Variants in COL23A1 observed in about 807,000 individuals in gnomAD.
COL23A1 encodes the protein collagen type XXIII alpha 1 chain, also known as collagen alpha-1(XXIII) chain.
COL23A1 carries 97 observed loss-of-function variants against 99.3 expected under a neutral mutation model. The ratio of observed to expected loss-of-function variants is 0.98; its 90% CI spans 0.83 to 1.16. The LOEUF (loss-of-function observed/expected upper bound fraction) is 1.16, where lower values mean the gene tolerates loss of function less well. Among genes scored for constraint, COL23A1 ranks in the 50% most tolerant of loss-of-function variants. COL23A1 has a pLI of 0.00. For synonymous variants in COL23A1, 320 were observed against 308.2 expected, an observed-to-expected ratio of 1.04 and a Z score of -0.40; for missense variants, 762 against 757.4, an observed-to-expected ratio of 1.01 and a Z score of -0.07.
rs116815869 is a variant in COL23A1, at chr5:178,558,031, C to T, written c.361+2651G>A. Among the ~76,000 whole-genome samples the T allele has an allele frequency of 5.4e-3, 820 of 151,418 alleles. 12 individuals carry two copies. The highest frequency in any genetic ancestry group is 0.019 in the African/African-American group (769 of 41,202). On this transcript the variant is annotated intron_variant, in intron 2 of 28. Transcript: ENST00000390654. ...TGGAGTTCCTGGGACAGCATCAGCA[C>T]GGTGCTGATGATCAGGGCTCCCCAG...
At chr5:178,348,880 T>C (rs1581198210) in intron 2 of COL23A1, among the ~76,000 whole-genome samples, 1 of 152,210 alleles carries the variant, frequency 6.6e-6, no homozygotes, top group East Asian at 1.9e-4. Context: ...GAGATCAAAT[T>C]CAGGGCTGCA....
At chr5:178,405,343 T>C (rs75921610) in intron 2 of COL23A1, among the ~76,000 whole-genome samples, 2,920 of 152,372 alleles carry the variant, frequency 0.019, 35 homozygotes, top group Non-Finnish European at 0.027. Context: ...TCTGTCCTCG[T>C]TTACATTGTT....
intron 2 of COL23A1, among the ~76,000 whole-genome samples, chr5:178,458,312 G>A (rs1334379117): frequency 6.6e-6 from 1 of 151,934 alleles, no homozygotes; most frequent in African/African-American, 2.4e-5. Flanking sequence ...CGGGGGTGCA[G>A]TTCTCTTTGT....
intron 2 of COL23A1, among the ~76,000 whole-genome samples, chr5:178,453,606 T>C (rs377724197): frequency 6.6e-6 from 1 of 152,186 alleles, no homozygotes; most frequent in East Asian, 1.9e-4. Context: ...AGTACAGAGC[T>C]AGGAGGGTTC....
rs939434947 is a variant in COL23A1 at position 178,267,870 on chromosome 5, C to G, written c.496-537G>C. Among the ~76,000 whole-genome samples the G allele has an allele frequency of 1.4e-4, 21 of 152,214 alleles. 1 individual carries two copies. Among genetic ancestry groups the G allele is most frequent in the Admixed American group, 7.9e-4 (12 of 15,282 alleles). On this transcript the variant is annotated intron_variant, in intron 7 of 28. Transcript: ENST00000390654. ...ATTGACAAGAACATTGAGACCATGA[C>G]CTCATGCAATCTCTCCTGTGGCTCC... is the stretch of plus-strand genomic sequence containing the variant.
intron 13 of COL23A1, among the ~76,000 whole-genome samples, 175 bp from the exon 14 acceptor site, chr5:178,257,103 G>A (rs996540100): frequency 3.9e-5 from 6 of 152,230 alleles, no homozygotes; most frequent in Non-Finnish European, 7.3e-5. Flanking sequence ...CTAGCCCAGG[G>A]GACTCAGGAC....
intron 2 of COL23A1, among the ~76,000 whole-genome samples, chr5:178,317,867 A>G (rs1759059631): frequency 6.6e-6 from 1 of 152,218 alleles, no homozygotes. Flanking sequence ...GGTGGCAGGC[A>G]AGACAGAATG....
chr5:178,284,721 G>A (rs1020675853), intron 5 of COL23A1, among the ~76,000 whole-genome samples: 16 of 152,044 alleles, frequency 1.1e-4, no homozygotes, highest in African/African-American at 3.4e-4. Flanking sequence ...ATTCTCTAAG[G>A]ATTTTTAATG....
chr5:178,572,072 C>CAAAA (rs57863132), intron 1 of COL23A1, among the ~76,000 whole-genome samples: 4 of 109,496 alleles, frequency 3.7e-5, no homozygotes, highest in Admixed American at 9.6e-5. Context: ...TTTCTCAAAA[C>CAAAA]AAAAAAAAAA....
intron 5 of COL23A1, among the ~76,000 whole-genome samples, chr5:178,284,276 G>C (rs1040936107): frequency 6.6e-6 from 1 of 152,126 alleles, no homozygotes; most frequent in Admixed American, 6.5e-5. Flanking sequence ...CGAGGTGACA[G>C]GATTACACAA....
intron 2 of COL23A1, among the ~76,000 whole-genome samples, chr5:178,420,997 C>T (rs556354396): frequency 1.4e-4 from 22 of 152,092 alleles, no homozygotes; most frequent in Non-Finnish European, 2.2e-4. Context: ...CCCAGGGAGC[C>T]GCAGGGCCCA....
chr5:178,540,303 G>A (rs1357763591), intron 2 of COL23A1, among the ~76,000 whole-genome samples: 1 of 152,052 alleles, frequency 6.6e-6, no homozygotes, highest in Non-Finnish European at 1.5e-5. Flanking sequence ...AAGTACATGT[G>A]GCAAGGTAAC....
At chr5:178,383,842 C>T (rs1004646693) in intron 2 of COL23A1, among the ~76,000 whole-genome samples, 2 of 149,104 alleles carry the variant, frequency 1.3e-5, no homozygotes, top group African/African-American at 2.5e-5. Context: ...CGTGGCCTCA[C>T]GCTGGACATG....
intron 2 of COL23A1, among the ~76,000 whole-genome samples, chr5:178,480,945 A>T (rs1221818711): frequency 6.6e-6 from 1 of 152,082 alleles, no homozygotes; most frequent in Non-Finnish European, 1.5e-5. Context: ...CAGGAGTTCG[A>T]GACCAGCCTG....
chr5:178,361,778 A>AT (rs1249382881), intron 2 of COL23A1, among the ~76,000 whole-genome samples: 1 of 152,008 alleles, frequency 6.6e-6, no homozygotes, highest in Non-Finnish European at 1.5e-5. Flanking sequence ...TGCTTTCCCT[A>AT]TGTGTGCTTG....
At chr5:178,368,395 TC>T (rs922879181) in intron 2 of COL23A1, among the ~76,000 whole-genome samples, 1 of 152,092 alleles carries the variant, frequency 6.6e-6, no homozygotes, top group African/African-American at 2.4e-5. Context: ...ATGATCAGCA[TC>T]CCCACCAGAG....
intron 18 of COL23A1, among the ~76,000 whole-genome samples, chr5:178,249,728 T>A (rs867232385): frequency 1.1e-3 from 148 of 129,952 alleles, no homozygotes; most frequent in Middle Eastern, 5.5e-3. Context: ...TCTCTCTCTC[T>A]CTCTCTCTCT....
intron 2 of COL23A1, among the ~76,000 whole-genome samples, chr5:178,466,409 C>T (rs889113803): frequency 1.3e-5 from 2 of 152,216 alleles, no homozygotes; most frequent in Non-Finnish European, 2.9e-5. Flanking sequence ...AAGCCTGGAC[C>T]TTTCGTCCTG....
intron 1 of COL23A1, chr5:178,562,733 T>TGGGGGGGGGGGGGGG (rs879632255): frequency 1.3e-4 from 13 of 97,646 alleles, no homozygotes; most frequent in African/African-American, 6.8e-4. Flanking sequence ...CGCTGGCTGG[T>TGGGGGGGGGGGGGGG]GGTGGGGGGG....
Sources: allele counts gnomAD v4.1 joint callset (sites outside exome capture counted in the v4.1 genomes callset), GRCh38; gene constraint gnomAD v4.1.1; transcripts MANE v1.5; gene names NCBI Gene and HGNC (gene_info 2026-07-23, HGNC 2026-07-21).